The following PCDH15 variants were observed in gnomAD, a reference collection of about 807,000 sequenced individuals.
PCDH15 encodes the protein protocadherin-15.
A neutral mutation model predicts 178.5 loss-of-function variants in PCDH15; 129 were observed. The ratio of observed to expected loss-of-function variants is 0.72; its 90% CI spans 0.63 to 0.84. PCDH15 has a LOEUF of 0.84. Among genes scored for constraint, PCDH15 ranks in the 40% least tolerant of loss-of-function variants. The pLI, the probability that PCDH15 is intolerant of heterozygous loss-of-function variation, is 0.00. For missense variants in PCDH15, 2,230 were observed against 2,099.9 expected (o/e 1.06, Z -1.21); for synonymous variants, 800 against 732.0 (o/e 1.09, Z -1.50).
At chr10:54,692,704 T>TCCCTGATTGAGTAACTCCGAACAC (rs1565956091) in intron 1 of PCDH15, among the ~76,000 whole-genome samples, 1 of 152,120 alleles carries the variant, frequency 6.6e-6, no homozygotes, top group African/African-American at 2.4e-5. Context: ...ACTCCAAACA[T>TCCCTGATTGAGTAACTCCGAACAC]CCCTGATTGA....
At chr10:54,254,277 A>G (rs977017121) in intron 8 of PCDH15, among the ~76,000 whole-genome samples, 2 of 152,196 alleles carry the variant, frequency 1.3e-5, no homozygotes, top group African/African-American at 2.4e-5. Context: ...TCACATTGAC[A>G]AAAAGAAAAT....
chr10:54,709,985 T>C (rs1337460405), intron 1 of PCDH15, among the ~76,000 whole-genome samples: 1 of 149,934 alleles, frequency 6.7e-6, no homozygotes, highest in African/African-American at 2.5e-5. Context: ...GTAATAAATA[T>C]GTACTAGACA....
At chr10:55,366,261 T>C (rs1845358167) in intron 2 of PCDH15, 1 of 152,138 alleles carries the variant, frequency 6.6e-6, no homozygotes, top group Admixed American at 6.6e-5. Flanking sequence ...TTGGTTTGTT[T>C]GATTCCTGCT....
intron 1 of PCDH15, among the ~76,000 whole-genome samples, chr10:54,773,084 C>G (rs1157613164): frequency 6.6e-6 from 1 of 151,464 alleles, no homozygotes; most frequent in Non-Finnish European, 1.5e-5. Context: ...ACAACACATA[C>G]TGGGGCCTGT....
chr10:55,613,012 G>T (rs1462293810), intron 2 of PCDH15, among the ~76,000 whole-genome samples: 1 of 142,766 alleles, frequency 7.0e-6, no homozygotes, highest in African/African-American at 2.6e-5. Context: ...ATATTTACTA[G>T]CCAGATTTTT....
intron 2 of PCDH15, among the ~76,000 whole-genome samples, chr10:54,573,704 ATAG>A (rs2090116402): frequency 8.1e-4 from 1 of 1,240 alleles, no homozygotes; most frequent in Non-Finnish European, 0.017. Context: ...ATCTTTATCG[ATAG>A]TTTTCCCCAA....
chr10:53,807,911 G>T lies in PCDH15; in HGVS notation c.4672-781C>A, dbSNP rs537249466. 2.0e-5 allele frequency among the ~76,000 whole-genome samples: 3 copies of T among 152,150 alleles called. No individual in the cohort carries two copies. In the East Asian group the frequency reaches 5.8e-4, roughly 29 times the overall value. On this transcript the variant is annotated intron_variant, in intron 37 of 37. Transcript: ENST00000644397. ...ACATTAAAAATAGCAAGAAGCAAGG[G>T]TTAAGCAATACTGTGTTTTTCTCAA...
At chr10:54,635,395 T>C (rs1407805667) in intron 2 of PCDH15, among the ~76,000 whole-genome samples, 5 of 151,296 alleles carry the variant, frequency 3.3e-5, no homozygotes, top group Non-Finnish European at 7.4e-5. Context: ...TGTATATATA[T>C]ATATGCACAC....
chr10:55,132,492 T>C (rs1386448545), intron 2 of PCDH15, among the ~76,000 whole-genome samples: 1 of 152,170 alleles, frequency 6.6e-6, no homozygotes, highest in African/African-American at 2.4e-5. Context: ...TAATGTGAGA[T>C]AGCACTAAAG....
chr10:54,669,499 A>G (rs916041430), intron 1 of PCDH15, among the ~76,000 whole-genome samples: 1 of 151,402 alleles, frequency 6.6e-6, no homozygotes, highest in East Asian at 1.9e-4. Flanking sequence ...TTAAATTTAC[A>G]TTAATGATAG....
At chr10:54,085,230 T>C (rs1028362323) in intron 16 of PCDH15, among the ~76,000 whole-genome samples, 1 of 152,080 alleles carries the variant, frequency 6.6e-6, no homozygotes, top group Non-Finnish European at 1.5e-5. Flanking sequence ...GAGCATTACA[T>C]GTAATGTCAA....
intron 26 of PCDH15, among the ~76,000 whole-genome samples, chr10:53,878,324 T>C (rs1564665848): frequency 1.4e-5 from 1 of 70,944 alleles, no homozygotes; most frequent in Non-Finnish European, 2.8e-5. Flanking sequence ...TCTATATATA[T>C]AGTCTATATA....
At chr10:54,947,601 A>ATG (rs368636405) in intron 2 of PCDH15, among the ~76,000 whole-genome samples, 1 of 151,656 alleles carries the variant, frequency 6.6e-6, no homozygotes, top group Non-Finnish European at 1.5e-5. Flanking sequence ...ATGTCTATAT[A>ATG]TGTGTGTGTG....
At chr10:55,320,628 C>A (rs1843866638), upstream of PCDH15, among the ~76,000 whole-genome samples, 1 of 152,070 alleles carries the variant, frequency 6.6e-6, no homozygotes, top group African/African-American at 2.4e-5. Flanking sequence ...GAGAAAAAGC[C>A]AGGGGCCTGA....
rs117141085 is a variant in PCDH15 at position 54,652,479 on chromosome 10, A to C, written c.91+11693T>G. On this transcript the variant is annotated intron_variant, in intron 2 of 37. Transcript: ENST00000644397. ...TCGCAGGCATTCCTAACTGGAATCT[A>C]TCTCTATTTCAGTGTTATGGGCTAG... is the stretch of plus-strand genomic sequence containing the variant. Among the ~76,000 whole-genome samples, 1,227 of 152,312 alleles carry C rather than the reference A, an allele frequency of 8.1e-3. 5 individuals carry two copies. Among genetic ancestry groups the C allele is most frequent in the Middle Eastern group, 0.014 (4 of 294 alleles).
At chr10:53,952,657 T>C (rs2087183772) in intron 23 of PCDH15, among the ~76,000 whole-genome samples, 1 of 152,186 alleles carries the variant, frequency 6.6e-6, no homozygotes, top group African/African-American at 2.4e-5. Flanking sequence ...ACCAGACCCA[T>C]CCCTTTCCAC....
chr10:55,150,316 C>T (rs1192836643), intron 2 of PCDH15, among the ~76,000 whole-genome samples: 1 of 151,988 alleles, frequency 6.6e-6, no homozygotes, highest in Non-Finnish European at 1.5e-5. Flanking sequence ...AGATAAATGG[C>T]CTGCAAAAAC....
chr10:54,144,978 C>T (rs886541781), intron 14 of PCDH15, among the ~76,000 whole-genome samples: 4 of 151,972 alleles, frequency 2.6e-5, no homozygotes, highest in African/African-American at 9.7e-5. Context: ...GAATATAAAA[C>T]ATTTTTGGTT....
intron 2 of PCDH15, among the ~76,000 whole-genome samples, chr10:54,899,911 T>C (rs1200555105): frequency 1.4e-5 from 2 of 146,060 alleles, no homozygotes; most frequent in Non-Finnish European, 1.5e-5. Context: ...AAATTTGCTG[T>C]GCATTCCAAT....
Sources: allele counts gnomAD v4.1 joint callset (sites outside exome capture counted in the v4.1 genomes callset), GRCh38; gene constraint gnomAD v4.1.1; transcripts MANE v1.5; gene names NCBI Gene and HGNC (gene_info 2026-07-23, HGNC 2026-07-21).